SENP1: variants seen among roughly 807,000 people sequenced by gnomAD.
SENP1 encodes the protein sentrin-specific protease 1.
A neutral mutation model predicts 93.0 loss-of-function variants in SENP1; 21 were observed. That is an observed-to-expected ratio of 0.23 (90% CI 0.16 to 0.33). SENP1 has a LOEUF of 0.33. Among genes scored for constraint, SENP1 ranks in the 10% least tolerant of loss-of-function variants. SENP1 has a pLI of 1.00. For synonymous variants in SENP1, 256 were observed against 259.6 expected, an observed-to-expected ratio of 0.99 and a Z score of 0.13; for missense variants, 591 against 758.7, an observed-to-expected ratio of 0.78 and a Z score of 2.60.
At chr12:48,105,362 G>A in intron 1 of SENP1, 3 of 518,990 alleles carry the variant, frequency 5.8e-6, no homozygotes, top group South Asian at 2.8e-5. Flanking sequence ...CAGAGATCAC[G>A]TTAGGGTACA....
At chr12:48,097,073 C>T (rs1945621306) in intron 3 of SENP1, among the ~76,000 whole-genome samples, 1 of 151,864 alleles carries the variant, frequency 6.6e-6, no homozygotes, top group Non-Finnish European at 1.5e-5. Context: ...ATTCAGGCTT[C>T]AAGGAAAAAA....
At chr12:48,060,263 AAAGT>A (rs1385050769) in intron 13 of SENP1, among the ~76,000 whole-genome samples, 8 of 152,212 alleles carry the variant, frequency 5.3e-5, no homozygotes, top group African/African-American at 9.7e-5. Context: ...ACCAGAAGCA[AAAGT>A]AAGTTTTATT....
intron 4 of SENP1, among the ~76,000 whole-genome samples, chr12:48,093,018 G>A (rs910454131): frequency 4.6e-5 from 7 of 152,114 alleles, no homozygotes; most frequent in African/African-American, 1.4e-4. Flanking sequence ...TGAAGCAAAT[G>A]AAGGCACACA....
intron 13 of SENP1, among the ~76,000 whole-genome samples, chr12:48,062,446 T>C (rs1229902228): frequency 6.6e-6 from 1 of 152,212 alleles, no homozygotes; most frequent in East Asian, 1.9e-4. Flanking sequence ...CCTTCCTTAT[T>C]ATTCTTGGTC....
At chr12:48,065,288 G>A in intron 11 of SENP1, 68 bp from the exon 12 acceptor site, 2 of 1,233,926 alleles carry the variant, frequency 1.6e-6, no homozygotes, top group Middle Eastern at 2.0e-4. Context: ...TTATGATAGG[G>A]TTATGTCCCA....
chr12:48,051,039 A>G (rs1327122052), intron 13 of SENP1, among the ~76,000 whole-genome samples: 1 of 151,500 alleles, frequency 6.6e-6, no homozygotes, highest in Non-Finnish European at 1.5e-5. Context: ...CATCTCCCCT[A>G]GGTGCCTATC....
At chr12:48,071,570 C>T (rs532285501) in intron 9 of SENP1, 97 bp downstream of exon 9, 11 of 778,860 alleles carry the variant, frequency 1.4e-5, no homozygotes, top group Admixed American at 4.6e-5. Flanking sequence ...GAACCAAGAT[C>T]GCGCCACTAC....
chr12:48,094,702 T>A (rs1482916982), intron 4 of SENP1, among the ~76,000 whole-genome samples: 2 of 151,850 alleles, frequency 1.3e-5, no homozygotes, highest in African/African-American at 2.4e-5. Flanking sequence ...TAATAATAAT[T>A]AAAAATAAAT....
intron 5 of SENP1, among the ~76,000 whole-genome samples, chr12:48,087,276 T>C (rs1272972487): frequency 6.6e-6 from 1 of 152,216 alleles, no homozygotes; most frequent in Admixed American, 6.5e-5. Flanking sequence ...TAGAAGGATA[T>C]GTACTAAGAT....
intron 1 of SENP1, chr12:48,105,193 TATA>T: frequency 9.3e-6 from 3 of 323,354 alleles, no homozygotes; most frequent in Non-Finnish European, 1.9e-5. Flanking sequence ...CCACTCCAAA[TATA>T]ATAAGTGTAC....
In SENP1 at chr12:48,074,576, A is replaced by G; in HGVS notation, c.688T>C (p.Leu230=). 1 of 1,613,288 alleles carries G rather than the reference A, an allele frequency of 6.2e-7. No homozygotes were observed. Among genetic ancestry groups the G allele is most frequent in the Non-Finnish European group, 8.5e-7 (1 of 1,179,416 alleles). ...CCATTTTTAAACAGTGAGTCTTTCA[A>G]AGTATTTTTACTGGAACTAAGACAT... The part of the protein sequence containing the change: ...SRCLSSSKNT[L]KDSLFKNGNS... Residue 230 remains leucine (L), a synonymous_variant, in exon 8 of 18, where the codon TTG becomes CTG. Transcript: ENST00000549518.
rs763040445 is a variant in SENP1 at position 48,071,939 on chromosome 12, TG to T, written c.941-219del. On this transcript the variant is annotated intron_variant, in intron 8 of 17. Transcript: ENST00000549518. ...TTTGCTTCACAAATAAGAAAATCCC[TG>T]GGAAATAACAAACATATTTGCCCTT... is the stretch of plus-strand genomic sequence containing the variant. Among the ~76,000 whole-genome samples, 18 of 152,270 alleles carry T rather than the reference TG, an allele frequency of 1.2e-4. No homozygotes were observed. In the East Asian group the frequency reaches 2.5e-3, roughly 21 times the overall value.
intron 13 of SENP1, chr12:48,055,007 T>C: frequency 4.5e-6 from 1 of 224,212 alleles, no homozygotes; most frequent in Non-Finnish European, 9.4e-6. Context: ...CCCTCTTGGG[T>C]GTAGGTGTTG....
intron 5 of SENP1, among the ~76,000 whole-genome samples, chr12:48,086,049 C>A (rs9971924): frequency 1.3e-5 from 2 of 152,076 alleles, no homozygotes; most frequent in African/African-American, 2.4e-5. Context: ...AAAGGGCTTC[C>A]ACTAGCCAAA....
At chr12:48,091,463 A>C (rs1945222348) in intron 4 of SENP1, among the ~76,000 whole-genome samples, 2 of 152,102 alleles carry the variant, frequency 1.3e-5, no homozygotes. Context: ...AAAAAAAAAA[A>C]AGAATGTGTC....
intron 13 of SENP1, among the ~76,000 whole-genome samples, chr12:48,057,195 T>C (rs34532787): frequency 1.5e-5 from 2 of 135,808 alleles, no homozygotes; most frequent in Non-Finnish European, 1.6e-5. Context: ...TATTACACAT[T>C]ACATATATAT....
At chr12:48,098,512 G>A (rs1398838173) in intron 2 of SENP1, among the ~76,000 whole-genome samples, 2 of 151,504 alleles carry the variant, frequency 1.3e-5, no homozygotes, top group African/African-American at 2.4e-5. Context: ...GCATGGTGGC[G>A]GGTACCTGTA....
chr12:48,083,655 G>A lies in SENP1; in HGVS notation c.488C>T (p.Ser163Leu), dbSNP rs1393853809. The A allele has an allele frequency of 1.2e-6, 2 of 1,613,692 alleles. No homozygotes were observed. The highest frequency in any genetic ancestry group is 8.5e-7 in the Non-Finnish European group (1 of 1,179,694). The change falls in exon 6 of 18, where the codon TCA becomes TTA. Residue 163 changes from serine (S) to leucine (L), a missense_variant. By Grantham distance (145) the Ser-to-Leu change is moderately radical (BLOSUM62 -2). Coordinates refer to ENST00000549518, the MANE Select transcript of SENP1 (RefSeq NM_001267594.2). ...KPVPSPSWSG[S>L]CRRSLLSPKK... ...GGGGCTCAAAAGACTTCGACGACAT[G>A]AACCACTCCAAGATGGACTTGGAAC...
chr12:48,064,679 G>C (rs1053352951), intron 12 of SENP1, among the ~76,000 whole-genome samples: 9 of 151,610 alleles, frequency 5.9e-5, no homozygotes, highest in Non-Finnish European at 1.5e-5. Context: ...ATGGCTTTTT[G>C]TGTGTGTGTG....
Sources: gnomAD v4.1 joint callset for allele counts (sites outside exome capture counted in the v4.1 genomes callset) on GRCh38, gnomAD v4.1.1 for gene constraint, MANE v1.5 for transcripts, NCBI Gene and HGNC (gene_info 2026-07-23, HGNC 2026-07-21) for gene names.